COL4A6: variants seen among roughly 807,000 people sequenced by gnomAD.
The protein encoded by COL4A6 is collagen alpha-6(IV) chain.
Under a neutral mutation model 126.7 loss-of-function variants are expected in COL4A6, and 59 were observed. The ratio of observed to expected loss-of-function variants is 0.47; its 90% CI spans 0.38 to 0.58. The LOEUF is 0.58. COL4A6 is among the 20% of genes least tolerant of loss of function. The pLI, the probability that COL4A6 is intolerant of heterozygous loss-of-function variation, is 0.00. For missense variants in COL4A6, 1,285 were observed against 1,337.3 expected, an observed-to-expected ratio of 0.96 and a Z score of 0.61; for synonymous variants, 547 against 496.6, an observed-to-expected ratio of 1.10 and a Z score of -1.35.
At chrX:108,357,659 C>T (rs1305029639) in intron 2 of COL4A6, among the ~76,000 whole-genome samples, 3 of 111,451 alleles carry the variant, frequency 2.7e-5, no homozygotes, top group Non-Finnish European at 5.6e-5. Context: ...TCCCTTTACA[C>T]TACACACTAC....
intron 3 of COL4A6, among the ~76,000 whole-genome samples, chrX:108,235,764 T>A (rs2036414144): frequency 9.0e-6 from 1 of 111,486 alleles, no homozygotes; most frequent in Non-Finnish European, 1.9e-5. Context: ...AAATTAACAG[T>A]CCATTATCTG....
At chrX:108,357,717 C>T (rs990502440) in intron 2 of COL4A6, among the ~76,000 whole-genome samples, 1 of 110,622 alleles carries the variant, frequency 9.0e-6, no homozygotes, top group African/African-American at 3.3e-5. Flanking sequence ...TATTACTTTG[C>T]CCAGTATGCC....
At chrX:108,431,945 A>G (rs752963394) in intron 2 of COL4A6, among the ~76,000 whole-genome samples, 8 of 112,462 alleles carry the variant, frequency 7.1e-5, no homozygotes, top group Admixed American at 2.8e-4. Context: ...TTGTGTGTGT[A>G]TGTAAAAATG....
chrX:108,345,830 C>T (rs1281927172), intron 2 of COL4A6, among the ~76,000 whole-genome samples: 1 of 111,794 alleles, frequency 8.9e-6, no homozygotes, highest in African/African-American at 3.3e-5. Context: ...TCAACTCTGA[C>T]TGCACATTAG....
chrX:108,299,445 T>A (rs980277172), intron 3 of COL4A6, among the ~76,000 whole-genome samples: 14 of 110,830 alleles, frequency 1.3e-4, no homozygotes, highest in African/African-American at 3.9e-4. Flanking sequence ...TGAACCCTGG[T>A]TACCCCTTAT....
intron 3 of COL4A6, among the ~76,000 whole-genome samples, chrX:108,284,671 G>A (rs1232814179): frequency 2.7e-5 from 3 of 112,166 alleles, no homozygotes; most frequent in African/African-American, 9.7e-5. Flanking sequence ...CAATAAAAAA[G>A]TGGTCAGAAA....
chrX:108,192,807 C>G (rs896952295), intron 17 of COL4A6, among the ~76,000 whole-genome samples: 3 of 112,796 alleles, frequency 2.7e-5, no homozygotes, highest in South Asian at 7.4e-4. Flanking sequence ...CAAGGCCTGC[C>G]TTTCATGATA....
intron 2 of COL4A6, among the ~76,000 whole-genome samples, chrX:108,316,917 G>T (rs2038893692): frequency 8.9e-6 from 1 of 112,108 alleles, no homozygotes; most frequent in African/African-American, 3.2e-5. Flanking sequence ...GATCATAGAA[G>T]ATTTCATAGA....
At chrX:108,394,260 C>T (rs1468338140) in intron 2 of COL4A6, among the ~76,000 whole-genome samples, 2 of 109,268 alleles carry the variant, frequency 1.8e-5, no homozygotes, top group Admixed American at 9.8e-5. Context: ...GAACATCACA[C>T]ACTGGGGCCT....
chrX:108,312,930 A>T (rs751970431), intron 2 of COL4A6, among the ~76,000 whole-genome samples: 1 of 107,306 alleles, frequency 9.3e-6, no homozygotes, highest in Non-Finnish European at 1.9e-5. Flanking sequence ...TAAGACAGGG[A>T]AAAAAAAAAC....
At position 108,178,746 on chromosome X, in the gene COL4A6, C is replaced by T; in HGVS notation, c.2453G>A (p.Gly818Asp). The T allele has an allele frequency of 8.3e-7, 1 of 1,211,712 alleles. No individual in the cohort carries two copies. Among genetic ancestry groups the T allele is most frequent in the Non-Finnish European group, 1.1e-6 (1 of 895,457 alleles). ...VGQPGTPGSS[G>D]PYGIKGKSGL... Reference sequence around the variant, plus strand: ...AGATTTGCCCTTGATGCCATATGGACCACTAGATCCTGGGGTGCCTGGCTG... The same window carrying T: ...AGATTTGCCCTTGATGCCATATGGATCACTAGATCCTGGGGTGCCTGGCTG... Residue 818 changes from glycine (G) to aspartate (D), a missense_variant, in exon 27 of 45, where the codon GGT becomes GAT. By Grantham distance (94) the Gly-to-Asp change is moderately conservative. Transcript: ENST00000334504.
rs5903315 is a variant in COL4A6, at chrX:108,265,390, GT to G, written c.145-44017del. Among the ~76,000 whole-genome samples the G allele has an allele frequency of 1.2e-3, 126 of 103,884 alleles. 4 individuals carry two copies. The East Asian group carries it at 0.033, about 28-fold the overall frequency. The allele number at this position is 103,884 out of a possible 115,157, so 90.2% of individuals were successfully genotyped here. A position where few individuals can be genotyped will look rare whatever the true frequency, so the allele number is the denominator to read the frequency against. On this transcript the variant is annotated intron_variant, in intron 3 of 44. Coordinates refer to ENST00000334504, the MANE Select transcript of COL4A6 (RefSeq NM_033641.4). ...ATTCATTGATTCATTCACCTATTCAGTTTTTTTTTTTGACAAACATGGAACT... is the reference window on the plus strand; with the variant it reads ...ATTCATTGATTCATTCACCTATTCAGTTTTTTTTTTGACAAACATGGAACT...
At chrX:108,260,933 G>C (rs1174264229) in intron 3 of COL4A6, among the ~76,000 whole-genome samples, 1 of 110,469 alleles carries the variant, frequency 9.1e-6, no homozygotes, top group East Asian at 2.9e-4. Flanking sequence ...AAAAACTCAG[G>C]AGTTGTGCAT....
chrX:108,166,434 A>T (rs2034131226), intron 37 of COL4A6, among the ~76,000 whole-genome samples: 1 of 112,505 alleles, frequency 8.9e-6, no homozygotes, highest in Non-Finnish European at 1.9e-5. Context: ...TGGTTGATAA[A>T]CTGTTCTGGT....
At chrX:108,157,342 G>A (rs2033775100) in intron 44 of COL4A6, 82 bp from the exon 45 acceptor site, 1 of 1,126,422 alleles carries the variant, frequency 8.9e-7, no homozygotes, top group Non-Finnish European at 1.2e-6. Flanking sequence ...CACTGCTACA[G>A]GGGCACATGA....
Position 108,347,284 on chromosome X carries a change from G to A in COL4A6, c.64-36456C>T, listed in dbSNP as rs145594243. ...AAAGCGGAGTACCCAAAGAACACAC[G>A]CAGACATGAGGAGGATGTGCACCTT... On this transcript the variant is annotated intron_variant, in intron 2 of 44. Coordinates refer to ENST00000334504, the MANE Select transcript of COL4A6 (RefSeq NM_033641.4). Among the ~76,000 whole-genome samples, 304 of 112,196 alleles carry A rather than the reference G, an allele frequency of 2.7e-3. 2 individuals are homozygous for A. Among genetic ancestry groups the A allele is most frequent in the Non-Finnish European group, 3.6e-3 (189 of 53,206 alleles).
At chrX:108,273,449 A>C (rs2037509005) in intron 3 of COL4A6, among the ~76,000 whole-genome samples, 1 of 111,077 alleles carries the variant, frequency 9.0e-6, no homozygotes, top group Non-Finnish European at 1.9e-5. Context: ...TAGAACTAGA[A>C]ATACCATTTG....
chrX:108,243,584 C>T (rs949697214), intron 3 of COL4A6, among the ~76,000 whole-genome samples: 10 of 111,912 alleles, frequency 8.9e-5, no homozygotes, highest in Non-Finnish European at 1.9e-4. Flanking sequence ...GTTTAAGCCA[C>T]CTAGTCTATG....
At chrX:108,312,964 A>G (rs766667629) in intron 2 of COL4A6, among the ~76,000 whole-genome samples, 4 of 112,076 alleles carry the variant, frequency 3.6e-5, no homozygotes, top group Non-Finnish European at 7.5e-5. Flanking sequence ...GAACAAAACC[A>G]TAAGAATCAG....
Sources: allele counts gnomAD v4.1 joint callset (sites outside exome capture counted in the v4.1 genomes callset), GRCh38; gene constraint gnomAD v4.1.1; transcripts MANE v1.5; gene names NCBI Gene and HGNC (gene_info 2026-07-23, HGNC 2026-07-21).